The following SH3BGRL variants were observed in gnomAD, a reference collection of about 807,000 sequenced individuals.
SH3BGRL encodes the protein SH3 domain binding glutamate rich protein like.
A neutral mutation model predicts 9.8 loss-of-function variants in SH3BGRL; 7 were observed. The ratio of observed to expected loss-of-function variants is 0.72; its 90% CI spans 0.41 to 1.35. SH3BGRL has a LOEUF of 1.35. SH3BGRL is among the 40% of genes most tolerant of loss of function. SH3BGRL has a pLI of 0.01. For missense variants in SH3BGRL, 73 were observed against 84.4 expected, an observed-to-expected ratio of 0.86 and a Z score of 0.53; for synonymous variants, 36 against 29.1, an observed-to-expected ratio of 1.24 and a Z score of -0.76.
At chrX:81,266,958 A>G (rs1448475588) in intron 1 of SH3BGRL, among the ~76,000 whole-genome samples, 1 of 111,046 alleles carries the variant, frequency 9.0e-6, no homozygotes, top group Non-Finnish European at 1.9e-5. Flanking sequence ...ATTTTATTCT[A>G]TTAGTAGCAA....
chrX:81,238,955 G>A (rs1243896335), intron 1 of SH3BGRL, among the ~76,000 whole-genome samples: 1 of 111,900 alleles, frequency 8.9e-6, no homozygotes, highest in Non-Finnish European at 1.9e-5. Context: ...GTATGCAACA[G>A]CCAAAGAATT....
chrX:81,245,679 T>C (rs1166552815), intron 1 of SH3BGRL, among the ~76,000 whole-genome samples: 1 of 112,027 alleles, frequency 8.9e-6, no homozygotes, highest in African/African-American at 3.2e-5. Flanking sequence ...TTAGTTTTCT[T>C]TTTGTTCAGA....
intron 1 of SH3BGRL, among the ~76,000 whole-genome samples, chrX:81,222,868 A>G (rs1369590518): frequency 1.8e-5 from 2 of 111,663 alleles, no homozygotes; most frequent in African/African-American, 3.3e-5. Flanking sequence ...TGTCATTCCA[A>G]CTGGTGTGAG....
intron 2 of SH3BGRL, 44 bp downstream of exon 2, chrX:81,277,213 C>G: frequency 9.6e-7 from 1 of 1,041,463 alleles, no homozygotes; most frequent in Non-Finnish European, 1.3e-6. Flanking sequence ...ATAGATTGCC[C>G]CAAATCTATC....
intron 1 of SH3BGRL, among the ~76,000 whole-genome samples, chrX:81,233,235 C>T (rs2075638275): frequency 8.9e-6 from 1 of 111,876 alleles, no homozygotes; most frequent in African/African-American, 3.2e-5. Context: ...ACAGCATCTA[C>T]ACATATTGAA....
intron 3 of SH3BGRL, among the ~76,000 whole-genome samples, chrX:81,289,731 A>T (rs756227095): frequency 3.4e-4 from 38 of 111,024 alleles, no homozygotes; most frequent in South Asian, 1.9e-3. Context: ...AGTGGCACAA[A>T]TCTGTAAGAC....
intron 1 of SH3BGRL, among the ~76,000 whole-genome samples, chrX:81,209,928 C>A (rs190308125): frequency 8.9e-6 from 1 of 111,750 alleles, no homozygotes; most frequent in Admixed American, 9.5e-5. Context: ...ATGACTGATT[C>A]TCTTGCATGT....
At chrX:81,289,714 CG>C (rs2075850739) in intron 3 of SH3BGRL, among the ~76,000 whole-genome samples, 1 of 110,541 alleles carries the variant, frequency 9.0e-6, no homozygotes, top group African/African-American at 3.3e-5. Context: ...AAAAATTAGC[CG>C]GGAGTAGTGG....
intron 3 of SH3BGRL, among the ~76,000 whole-genome samples, chrX:81,292,425 G>A (rs781604493): frequency 9.0e-6 from 1 of 110,734 alleles, no homozygotes; most frequent in Non-Finnish European, 1.9e-5. Context: ...ATATCCTGAG[G>A]CTGCACAGAG....
At position 81,277,088 on chromosome X, in the gene SH3BGRL, A is replaced by G. The variant is rs1300495452; in HGVS notation, c.150A>G (p.Arg50=). ...AANEENRKWM[R]ENVPENSRPA... The stretch of plus-strand genomic sequence containing the variant: ...ATGAAGAGAATCGGAAGTGGATGAG[A>G]GAAAATGTACCTGAAAATAGTCGAC... The change falls in exon 2 of 4, where the codon AGA becomes AGG. Residue 50 remains arginine (R), a synonymous_variant. Transcript: ENST00000373212. 8.3e-7 allele frequency: 1 copy of G among 1,206,565 alleles called. No individual in the cohort carries two copies. The highest frequency in any genetic ancestry group is 1.8e-5 in the African/African-American group (1 of 57,072).
At chrX:81,279,016 G>C (rs963810638) in intron 3 of SH3BGRL, among the ~76,000 whole-genome samples, 1 of 112,079 alleles carries the variant, frequency 8.9e-6, no homozygotes, top group African/African-American at 3.2e-5. Context: ...ACATACCTTT[G>C]CCTTTTATAG....
At chrX:81,283,208 G>T (rs980481843) in intron 3 of SH3BGRL, among the ~76,000 whole-genome samples, 1 of 111,593 alleles carries the variant, frequency 9.0e-6, no homozygotes, top group African/African-American at 3.3e-5. Context: ...TCCAGGATTA[G>T]CCTGATTCAC....
At chrX:81,273,033 A>C (rs2075786215) in intron 1 of SH3BGRL, among the ~76,000 whole-genome samples, 1 of 112,365 alleles carries the variant, frequency 8.9e-6, no homozygotes, top group Admixed American at 9.4e-5. Flanking sequence ...GCATCCATTT[A>C]GAAAGTTTCC....
At chrX:81,202,518 T>C in intron 1 of SH3BGRL, 7 of 962,161 alleles carry the variant, frequency 7.3e-6, no homozygotes, top group Non-Finnish European at 9.1e-6. Flanking sequence ...TTTTGGGAGA[T>C]GGGAGATGGT....
intron 1 of SH3BGRL, among the ~76,000 whole-genome samples, chrX:81,218,435 GT>G (rs780551324): frequency 1.0e-4 from 11 of 109,998 alleles, no homozygotes; most frequent in African/African-American, 3.6e-4. Flanking sequence ...TGCTGGCTTG[GT>G]AGTGGGGAAT....
At chrX:81,265,421 C>A (rs769841902) in intron 1 of SH3BGRL, among the ~76,000 whole-genome samples, 1 of 109,875 alleles carries the variant, frequency 9.1e-6, no homozygotes, top group East Asian at 2.9e-4. Context: ...CAAGTGTTCT[C>A]ATTGTTCAAC....
chrX:81,259,323 A>T (rs2075734298), intron 1 of SH3BGRL, among the ~76,000 whole-genome samples: 1 of 112,054 alleles, frequency 8.9e-6, no homozygotes, highest in Non-Finnish European at 1.9e-5. Flanking sequence ...GAAGGTGGTG[A>T]GTTGGAGAAC....
In SH3BGRL at chrX:81,290,307, C is replaced by T. The variant is rs772494225; in HGVS notation, c.313-6888C>T. On this transcript the variant is annotated intron_variant, in intron 3 of 3. Coordinates refer to ENST00000373212, the MANE Select transcript of SH3BGRL (RefSeq NM_003022.3). ...TTTGTTGCCACACTGTACACAATAGCCAAGATTTGGAAGTAACCTAAGTGT... is the reference window on the plus strand; with the variant it reads ...TTTGTTGCCACACTGTACACAATAGTCAAGATTTGGAAGTAACCTAAGTGT... Among the ~76,000 whole-genome samples, 4 of 111,768 alleles carry T rather than the reference C, an allele frequency of 3.6e-5. No homozygotes were observed. The Admixed American group carries it at 3.8e-4, about 11-fold the overall frequency.
At chrX:81,289,250 T>G (rs2075848199) in intron 3 of SH3BGRL, among the ~76,000 whole-genome samples, 2 of 111,951 alleles carry the variant, frequency 1.8e-5, no homozygotes, top group Non-Finnish European at 3.8e-5. Context: ...TTGACCCCTA[T>G]CTCTTGCCAT....
Sources: gnomAD v4.1 joint callset for allele counts (sites outside exome capture counted in the v4.1 genomes callset) on GRCh38, gnomAD v4.1.1 for gene constraint, MANE v1.5 for transcripts, NCBI Gene and HGNC (gene_info 2026-07-23, HGNC 2026-07-21) for gene names.